Variants in ARHGAP15 observed in about 807,000 individuals in gnomAD.
The protein encoded by ARHGAP15 is rho GTPase-activating protein 15.
Under a neutral mutation model 63.7 loss-of-function variants are expected in ARHGAP15, and 51 were observed. That is an observed-to-expected ratio of 0.80 (90% CI 0.64 to 1.01). The LOEUF is 1.01. ARHGAP15 is among the 50% of genes least tolerant of loss of function. ARHGAP15 has a pLI of 0.00. For synonymous variants in ARHGAP15, 191 were observed against 193.8 expected, an observed-to-expected ratio of 0.99 and a Z score of 0.12; for missense variants, 560 against 564.6, an observed-to-expected ratio of 0.99 and a Z score of 0.08.
At chr2:143,671,864 A>G (rs775756354) in intron 12 of ARHGAP15, among the ~76,000 whole-genome samples, 3 of 152,188 alleles carry the variant, frequency 2.0e-5, no homozygotes, top group African/African-American at 2.4e-5. Flanking sequence ...TAGCATATCC[A>G]TATAGGTAGC....
At chr2:143,357,732 C>T (rs1420538083) in intron 6 of ARHGAP15, among the ~76,000 whole-genome samples, 1 of 151,800 alleles carries the variant, frequency 6.6e-6, no homozygotes, top group Non-Finnish European at 1.5e-5. Context: ...ACATGAAAAT[C>T]TATGAAGACA....
chr2:143,207,319 C>T (rs1015866052), intron 3 of ARHGAP15, among the ~76,000 whole-genome samples: 1 of 151,944 alleles, frequency 6.6e-6, no homozygotes, highest in Non-Finnish European at 1.5e-5. Context: ...TCTATTTTAG[C>T]CCCAATGACC....
intron 11 of ARHGAP15, among the ~76,000 whole-genome samples, chr2:143,610,086 G>C (rs1272544703): frequency 6.6e-6 from 1 of 152,006 alleles, no homozygotes; most frequent in Non-Finnish European, 1.5e-5. Context: ...AGTATAATGG[G>C]CCCAGATGCT....
intron 5 of ARHGAP15, chr2:143,236,812 C>A (rs533294294): frequency 1.3e-5 from 2 of 152,214 alleles, no homozygotes; most frequent in Non-Finnish European, 2.9e-5. Context: ...TGATCTCTTG[C>A]CTTCTTCCAT....
At chr2:143,703,342 C>T in intron 12 of ARHGAP15, 77 bp from the exon 13 acceptor site, 2 of 1,217,832 alleles carry the variant, frequency 1.6e-6, no homozygotes, top group South Asian at 3.1e-5. Context: ...AAAATTTTCT[C>T]AAGAAAATTT....
At chr2:143,185,963 A>G (rs1043603763) in intron 2 of ARHGAP15, among the ~76,000 whole-genome samples, 1 of 152,046 alleles carries the variant, frequency 6.6e-6, no homozygotes, top group Non-Finnish European at 1.5e-5. Flanking sequence ...GGAAAAATAA[A>G]CCCCCACCAA....
intron 13 of ARHGAP15, among the ~76,000 whole-genome samples, chr2:143,758,223 A>AT (rs1282533432): frequency 6.6e-6 from 1 of 151,742 alleles, no homozygotes; most frequent in Non-Finnish European, 1.5e-5. Flanking sequence ...CACATTATGT[A>AT]TTTTTTATTT....
intron 10 of ARHGAP15, among the ~76,000 whole-genome samples, chr2:143,535,050 A>C (rs1445091275): frequency 6.6e-6 from 1 of 152,136 alleles, no homozygotes; most frequent in East Asian, 1.9e-4. Context: ...TACTATAAGA[A>C]TAAATTATGT....
At chr2:143,303,251 G>T (rs953326459) in intron 6 of ARHGAP15, among the ~76,000 whole-genome samples, 3 of 151,984 alleles carry the variant, frequency 2.0e-5, no homozygotes, top group Non-Finnish European at 4.4e-5. Context: ...GAAAAATTTT[G>T]CTATGTATCC....
chr2:143,279,424 TG>T (rs1242057809), intron 6 of ARHGAP15, among the ~76,000 whole-genome samples: 1 of 152,166 alleles, frequency 6.6e-6, no homozygotes, highest in Non-Finnish European at 1.5e-5. Context: ...TTGCAATATT[TG>T]TAAAAACAAG....
intron 13 of ARHGAP15, among the ~76,000 whole-genome samples, chr2:143,725,430 G>T (rs1685233141): frequency 2.0e-5 from 3 of 152,196 alleles, no homozygotes; most frequent in Admixed American, 2.0e-4. Context: ...AACGTACTCT[G>T]CTCTTTTAAT....
intron 10 of ARHGAP15, among the ~76,000 whole-genome samples, chr2:143,524,173 A>C (rs1345547238): frequency 6.6e-6 from 1 of 151,484 alleles, no homozygotes; most frequent in Non-Finnish European, 1.5e-5. Flanking sequence ...CTTAGCCTCA[A>C]AAACTTTATC....
chr2:143,551,152 A>G (rs1695545526), intron 10 of ARHGAP15, among the ~76,000 whole-genome samples: 2 of 152,160 alleles, frequency 1.3e-5, no homozygotes, highest in South Asian at 2.1e-4. Flanking sequence ...AAGAATGAAA[A>G]TAGAACTTTT....
chr2:143,221,635 C>T (rs1693000452), intron 4 of ARHGAP15, among the ~76,000 whole-genome samples: 1 of 152,180 alleles, frequency 6.6e-6, no homozygotes, highest in South Asian at 2.1e-4. Flanking sequence ...TTACAAAATA[C>T]ACCTGACAGT....
chr2:143,481,638 A>G (rs1692085375), intron 8 of ARHGAP15, among the ~76,000 whole-genome samples: 1 of 152,110 alleles, frequency 6.6e-6, no homozygotes, highest in African/African-American at 2.4e-5. Context: ...TCCAGAGGGC[A>G]TTGTTTCCCC....
chr2:143,261,296 C>T (rs930289520), intron 6 of ARHGAP15, among the ~76,000 whole-genome samples: 2 of 144,336 alleles, frequency 1.4e-5, no homozygotes, highest in Non-Finnish European at 3.0e-5. Flanking sequence ...AATTTTATGA[C>T]AGTGACAGCT....
chr2:143,639,261 C>T (rs920679183), intron 12 of ARHGAP15, among the ~76,000 whole-genome samples: 6 of 152,084 alleles, frequency 3.9e-5, no homozygotes, highest in African/African-American at 1.2e-4. Context: ...TGCTCATACA[C>T]GTACTCAAAA....
chr2:143,551,431 T>G (rs888813339), intron 10 of ARHGAP15, among the ~76,000 whole-genome samples: 6 of 152,244 alleles, frequency 3.9e-5, no homozygotes, highest in African/African-American at 1.4e-4. Flanking sequence ...CTGGGATTGT[T>G]GGTGTGAGCC....
At chr2:143,186,346 A>G (rs1691447846) in intron 2 of ARHGAP15, among the ~76,000 whole-genome samples, 1 of 152,152 alleles carries the variant, frequency 6.6e-6, no homozygotes. Context: ...AAGTTTAGCT[A>G]TACAGTTTTT....
Sources: gnomAD v4.1 joint callset for allele counts (sites outside exome capture counted in the v4.1 genomes callset) on GRCh38, gnomAD v4.1.1 for gene constraint, MANE v1.5 for transcripts, NCBI Gene and HGNC (gene_info 2026-07-23, HGNC 2026-07-21) for gene names.